The following PTPRD variants were observed in gnomAD, a reference collection of about 807,000 sequenced individuals.
The protein encoded by PTPRD is receptor-type tyrosine-protein phosphatase delta.
PTPRD carries 34 observed loss-of-function variants against 214.5 expected under a neutral mutation model. That is an observed-to-expected ratio of 0.16 (90% CI 0.12 to 0.21). PTPRD has a LOEUF of 0.21. Ranked by LOEUF, PTPRD falls within the 10% of genes least tolerant of loss-of-function variation. The pLI is 1.00. For synonymous variants in PTPRD, 1,128 were observed against 845.7 expected, an observed-to-expected ratio of 1.33 and a Z score of -5.79; for missense variants, 2,545 against 2,398.7, an observed-to-expected ratio of 1.06 and a Z score of -1.27.
intron 11 of PTPRD, among the ~76,000 whole-genome samples, chr9:8,988,819 C>T (rs930083211): frequency 8.6e-5 from 13 of 151,984 alleles, no homozygotes; most frequent in African/African-American, 3.1e-4. Context: ...CTCTTGAAAA[C>T]AAGGAGACAC....
In PTPRD at chr9:9,353,801, C is replaced by A. The variant is rs12001806; in HGVS notation, c.-203+43648G>T. Among the ~76,000 whole-genome samples, 243 of 151,858 alleles carry A rather than the reference C, an allele frequency of 1.6e-3. 2 individuals are homozygous for A. The highest frequency in any genetic ancestry group is 2.2e-3 in the Non-Finnish European group (146 of 67,886). On this transcript the variant is annotated intron_variant, in intron 9 of 45. Coordinates refer to ENST00000381196, the MANE Select transcript of PTPRD (RefSeq NM_002839.4). ...CAAAGTTGGCAGCTTAAAACAACAC[C>A]CTTTTATTAGTTCAGAATTTCAAAA...
intron 39 of PTPRD, among the ~76,000 whole-genome samples, chr9:8,357,100 G>A (rs191239038): frequency 1.3e-5 from 2 of 152,246 alleles, no homozygotes; most frequent in African/African-American, 4.8e-5. Context: ...AAGAACCTGA[G>A]ATGCCTTCCA....
chr9:10,286,995 A>C (rs1473831579), intron 3 of PTPRD, among the ~76,000 whole-genome samples: 1 of 152,218 alleles, frequency 6.6e-6, no homozygotes, highest in East Asian at 1.9e-4. Flanking sequence ...CGAACTTGAA[A>C]ATGCAAAAGT....
In PTPRD at chr9:8,341,195, C is replaced by T. The variant is rs755582635; in HGVS notation, c.5021G>A (p.Arg1674His). 7.4e-6 allele frequency: 12 copies of T among 1,612,122 alleles called. No homozygotes were observed. Among genetic ancestry groups the T allele is most frequent in the Admixed American group, 5.0e-5 (3 of 59,794 alleles). The change falls in exon 41 of 46, where the codon CGC becomes CAC. Residue 1674 changes from arginine to histidine, a missense_variant. Arg to His is a conservative substitution (Grantham distance 29, BLOSUM62 0). Transcript: ENST00000381196. ...TTCATATGGCATAATATTAACAAGG[C>T]GATTTTTGAATTTATTACATGGAAG... ...ANLPCNKFKN[R>H]LVNIMPYEST...
Position 8,518,283 on chromosome 9 carries a change from T to C in PTPRD, c.1108A>G (p.Ile370Val), listed in dbSNP as rs2097822645. 1 of 1,614,108 alleles carries C rather than the reference T, an allele frequency of 6.2e-7. No individual in the cohort carries two copies. The highest frequency in any genetic ancestry group is 8.5e-7 in the Non-Finnish European group (1 of 1,180,004). Residue 370 changes from isoleucine (I) to valine (V), a missense_variant, in exon 21 of 46, where the codon ATT becomes GTT. Physicochemically the swap from Ile to Val is conservative, Grantham distance 29. Coordinates refer to ENST00000381196, the MANE Select transcript of PTPRD (RefSeq NM_002839.4). ...PKNSEELYKE[I>V]DGVATTRYSV... Reference sequence around the variant, plus strand: ...TAGCGTGTGGTCGCCACCCCATCAATTTCTTTGTAAAGTTCCTCAGAGTTT... The same window carrying C: ...TAGCGTGTGGTCGCCACCCCATCAACTTCTTTGTAAAGTTCCTCAGAGTTT...
At chr9:10,439,047 G>C (rs1302246750) in intron 2 of PTPRD, among the ~76,000 whole-genome samples, 1 of 151,770 alleles carries the variant, frequency 6.6e-6, no homozygotes, top group Non-Finnish European at 1.5e-5. Context: ...TGATACAGCA[G>C]AGGTCTGAAA....
intron 11 of PTPRD, among the ~76,000 whole-genome samples, chr9:8,911,471 A>G (rs1162749338): frequency 6.6e-6 from 1 of 150,900 alleles, no homozygotes; most frequent in Non-Finnish European, 1.5e-5. Context: ...GAGAGAATGA[A>G]TGACAACACT....
chr9:9,275,199 T>TTATATA (rs1188297359), intron 9 of PTPRD, among the ~76,000 whole-genome samples: 1 of 10,394 alleles, frequency 9.6e-5, no homozygotes, highest in African/African-American at 2.4e-4. Flanking sequence ...TATATATATA[T>TTATATA]TATATATATA....
At chr9:9,465,753 T>G (rs1053935836) in intron 8 of PTPRD, among the ~76,000 whole-genome samples, 7 of 152,156 alleles carry the variant, frequency 4.6e-5, no homozygotes, top group African/African-American at 1.7e-4. Context: ...TGTCATTTCT[T>G]GCTGGTGACA....
At chr9:9,424,174 A>G (rs2079923278) in intron 8 of PTPRD, among the ~76,000 whole-genome samples, 1 of 152,164 alleles carries the variant, frequency 6.6e-6, no homozygotes, top group Non-Finnish European at 1.5e-5. Context: ...CTGCCCGTGG[A>G]ATGGCTGAAA....
At chr9:8,631,416 C>A (rs2096247820) in intron 14 of PTPRD, among the ~76,000 whole-genome samples, 1 of 151,788 alleles carries the variant, frequency 6.6e-6, no homozygotes, top group Non-Finnish European at 1.5e-5. Context: ...CTGGTGGTAG[C>A]TGACTTGATT....
chr9:9,321,043 A>T (rs767743737), intron 9 of PTPRD, among the ~76,000 whole-genome samples: 1 of 152,206 alleles, frequency 6.6e-6, no homozygotes, highest in East Asian at 1.9e-4. Flanking sequence ...TGATTACAGC[A>T]TCAGTGAAAA....
chr9:8,993,654 T>G (rs866889471), intron 11 of PTPRD, among the ~76,000 whole-genome samples: 40 of 152,252 alleles, frequency 2.6e-4, no homozygotes, highest in Middle Eastern at 6.8e-3. Flanking sequence ...GAAGAAAATC[T>G]TATGTATCTT....
intron 2 of PTPRD, among the ~76,000 whole-genome samples, chr9:10,373,397 G>T (rs2097668701): frequency 6.6e-6 from 1 of 152,008 alleles, no homozygotes; most frequent in Non-Finnish European, 1.5e-5. Flanking sequence ...CTAACATTCA[G>T]ATTATTTTGT....
intron 5 of PTPRD, among the ~76,000 whole-genome samples, chr9:9,836,408 C>T (rs1026079971): frequency 1.3e-5 from 2 of 152,138 alleles, no homozygotes; most frequent in Non-Finnish European, 2.9e-5. Flanking sequence ...TCATTACCCA[C>T]GTGGTCATAG....
chr9:10,594,291 A>T (rs964495830), intron 2 of PTPRD, among the ~76,000 whole-genome samples: 9 of 151,962 alleles, frequency 5.9e-5, no homozygotes, highest in Admixed American at 1.3e-4. Context: ...CTTCAGTAAA[A>T]CTGAACTGTA....
At chr9:9,434,617 C>G (rs1414461856) in intron 8 of PTPRD, among the ~76,000 whole-genome samples, 5 of 151,914 alleles carry the variant, frequency 3.3e-5, no homozygotes, top group Non-Finnish European at 7.4e-5. Flanking sequence ...TACCTGGCTT[C>G]AAAATATACT....
chr9:10,437,456 A>G (rs1351898974), intron 2 of PTPRD, among the ~76,000 whole-genome samples: 1 of 151,834 alleles, frequency 6.6e-6, no homozygotes, highest in African/African-American at 2.4e-5. Context: ...TGTAGCACAA[A>G]ATTAGCACAG....
intron 5 of PTPRD, among the ~76,000 whole-genome samples, chr9:9,846,905 T>C (rs1045497769): frequency 6.6e-6 from 1 of 151,986 alleles, no homozygotes; most frequent in South Asian, 2.1e-4. Context: ...ATGATAAAGG[T>C]TTTATCTTGA....
Sources: gnomAD v4.1 joint callset for allele counts (sites outside exome capture counted in the v4.1 genomes callset) on GRCh38, gnomAD v4.1.1 for gene constraint, MANE v1.5 for transcripts, NCBI Gene and HGNC (gene_info 2026-07-23, HGNC 2026-07-21) for gene names.